Variants in DDA1 observed in about 807,000 individuals in gnomAD.
The protein encoded by DDA1 is DET1- and DDB1-associated protein 1.
Under a neutral mutation model 18.6 loss-of-function variants are expected in DDA1, and 3 were observed. That is an observed-to-expected ratio of 0.16 (90% CI 0.07 to 0.42). The LOEUF (loss-of-function observed/expected upper bound fraction) is 0.42. DDA1 is among the 10% of genes least tolerant of loss of function. The probability of loss-of-function intolerance (pLI) is 0.99; values close to 1 mark genes in which losing one functional copy is unlikely to be tolerated. For missense variants in DDA1, 105 were observed against 138.2 expected (o/e 0.76, Z 1.20); for synonymous variants, 52 against 54.0 (o/e 0.96, Z 0.17).
intron 4 of DDA1, among the ~76,000 whole-genome samples, chr19:17,316,951 G>A (rs971415682): frequency 6.6e-6 from 1 of 152,154 alleles, no homozygotes; most frequent in Admixed American, 6.5e-5. Context: ...TCTCAGCTGG[G>A]CGTGGTGGCT....
At chr19:17,318,506 C>T (rs2074224450) in intron 4 of DDA1, among the ~76,000 whole-genome samples, 1 of 152,164 alleles carries the variant, frequency 6.6e-6, no homozygotes, top group Non-Finnish European at 1.5e-5. Context: ...GCTGGGATTA[C>T]AGGTGTGAGC....
rs573758701 is a variant in DDA1 at position 17,314,341 on chromosome 19, C to G, written c.88C>G (p.Arg30Gly). Reference protein sequence around the residue: ...HADSVCKASNRRPSVYLPTRE... With the variant: ...HADSVCKASNGRPSVYLPTRE... ...CCCCTTCTCAACCCTCCTGCAGAACCGACGGCCCTCAGTCTACCTGCCTAC... is the reference window on the plus strand; with the variant it reads ...CCCCTTCTCAACCCTCCTGCAGAACGGACGGCCCTCAGTCTACCTGCCTAC... The change falls in exon 3 of 5, where the codon CGA becomes GGA. Residue 30 changes from arginine to glycine, a missense_variant. Transcript: ENST00000359866. The surrounding 1 kb of genome is among the most constrained non-coding windows in gnomAD (Gnocchi z 4.6). 1.2e-6 allele frequency: 2 copies of G among 1,614,232 alleles called. No homozygotes were observed. Among genetic ancestry groups the G allele is most frequent in the African/African-American group, 2.7e-5 (2 of 75,072 alleles).
chr19:17,319,658 A>G lies in DDA1; in HGVS notation c.*2A>G. On this transcript the variant is annotated 3_prime_UTR_variant, in exon 5 of 5. Coordinates refer to ENST00000359866, the MANE Select transcript of DDA1 (RefSeq NM_024050.6). ...CCAGACATGCACGAGGACACTTAAGACTCTCAACTCCACAGGCGCCTCCTG... is the reference window on the plus strand; with the variant it reads ...CCAGACATGCACGAGGACACTTAAGGCTCTCAACTCCACAGGCGCCTCCTG... 6.4e-7 allele frequency: 1 copy of G among 1,560,746 alleles called. No homozygotes were observed. Among genetic ancestry groups the G allele is most frequent in the Non-Finnish European group, 8.7e-7 (1 of 1,152,458 alleles).
At chr19:17,312,080 G>A (rs1420536648) in intron 1 of DDA1, among the ~76,000 whole-genome samples, 1 of 152,196 alleles carries the variant, frequency 6.6e-6, no homozygotes, top group African/African-American at 2.4e-5. Context: ...GAGTAACCCT[G>A]GGAGGTGGCC....
chr19:17,310,366 A>C (rs1484566294), intron 1 of DDA1: 1 of 152,302 alleles, frequency 6.6e-6, no homozygotes, highest in African/African-American at 2.4e-5. Flanking sequence ...TCCCCTCATT[A>C]TGAAGTGTGG....
chr19:17,316,429 A>C (rs947464805), intron 4 of DDA1, among the ~76,000 whole-genome samples: 1 of 151,734 alleles, frequency 6.6e-6, no homozygotes, highest in African/African-American at 2.4e-5. Flanking sequence ...AAAATACAAA[A>C]ATTAGCTGGG....
At chr19:17,312,955 G>A (rs564070838) in intron 1 of DDA1, among the ~76,000 whole-genome samples, 5 of 152,256 alleles carry the variant, frequency 3.3e-5, no homozygotes, top group Admixed American at 1.3e-4. Context: ...GCCACATTCC[G>A]GCTTCCCGAG....
chr19:17,310,038 G>C (rs371813922), intron 1 of DDA1: 1 of 248,958 alleles, frequency 4.0e-6, no homozygotes, highest in African/African-American at 2.2e-5. Context: ...AGGCCGGCCT[G>C]GGCCCCGGGG....
rs13238 is a variant in DDA1 at position 17,320,037 on chromosome 19, C to T, written c.*381C>T. On this transcript the variant is annotated 3_prime_UTR_variant, in exon 5 of 5. Transcript: ENST00000359866. ...TAGCGGGGGCTTTACTGTGGCCGGG[C>T]GACAGGGGCGGGCCCGGGGTGGCCT... is the stretch of plus-strand genomic sequence containing the variant. 0.086 allele frequency: 15,864 copies of T among 183,714 alleles called. 812 individuals are homozygous for T. The highest frequency in any genetic ancestry group is 0.11 in the Non-Finnish European group (9,787 of 87,062). The allele number at this position is 183,714 out of a possible 1,614,324, so 11.4% of individuals were successfully genotyped here.
intron 1 of DDA1, among the ~76,000 whole-genome samples, chr19:17,313,258 C>T (rs1415421522): frequency 4.6e-5 from 7 of 151,854 alleles, no homozygotes; most frequent in African/African-American, 9.7e-5. Context: ...CTCTCTGCCT[C>T]GGTGTCCTTG....
chr19:17,312,001 A>G (rs1005333684), intron 1 of DDA1, among the ~76,000 whole-genome samples: 3 of 152,162 alleles, frequency 2.0e-5, no homozygotes, highest in Non-Finnish European at 4.4e-5. Flanking sequence ...CAACGCAGAC[A>G]TGTTGATCCT....
At position 17,315,166 on chromosome 19, in the gene DDA1, T is replaced by TATATACACACACGTGTATACACACAC. The variant is rs2074198603; in HGVS notation, c.137-768_137-767insATATACACACACGTGTATACACACAC. ...ATACACACACGTATATATACACACG[T>TATATACACACACGTGTATACACACAC]GTATATACACACACGTGTATACACA... On this transcript the variant is annotated intron_variant, in intron 3 of 4. Coordinates refer to ENST00000359866, the MANE Select transcript of DDA1 (RefSeq NM_024050.6). Among the ~76,000 whole-genome samples, 4 of 63,460 alleles carry TATATACACACACGTGTATACACACAC rather than the reference T, an allele frequency of 6.3e-5. 1 individual carries two copies. The highest frequency in any genetic ancestry group is 4.4e-4 in the African/African-American group (4 of 9,152). 41.6% of individuals were successfully genotyped at this position (63,460 alleles called of 152,430 possible). A position where few individuals can be genotyped will look rare whatever the true frequency, so the allele number is the denominator to read the frequency against.
intron 4 of DDA1, among the ~76,000 whole-genome samples, chr19:17,319,254 G>A (rs1051947119): frequency 6.6e-6 from 1 of 152,208 alleles, no homozygotes; most frequent in African/African-American, 2.4e-5. Context: ...TGCCTAGCCA[G>A]GGACCCTGGG....
rs945622318 is a variant in DDA1, at chr19:17,319,855, G to A, written c.*199G>A. On this transcript the variant is annotated 3_prime_UTR_variant, in exon 5 of 5. Coordinates refer to ENST00000359866, the MANE Select transcript of DDA1 (RefSeq NM_024050.6). ...ATTTATGCTGTAACCTGTATCAAGC[G>A]TTGGTTAAAGGGGACATCAGACCCA... The A allele has an allele frequency of 2.1e-5, 12 of 561,542 alleles. No individual in the cohort carries two copies. The highest frequency in any genetic ancestry group is 6.5e-5 in the South Asian group (3 of 45,838). 34.8% of individuals were successfully genotyped at this position (561,542 alleles called of 1,614,324 possible). A position where few individuals can be genotyped will look rare whatever the true frequency, so the allele number is the denominator to read the frequency against.
chr19:17,319,397 C>T, intron 4 of DDA1, 149 bp from the exon 5 acceptor site: 2 of 653,972 alleles, frequency 3.1e-6, no homozygotes, highest in South Asian at 3.9e-5. Flanking sequence ...ACCCCCATGT[C>T]TACCAAAAGT....
At chr19:17,310,336 G>C (rs964658294) in intron 1 of DDA1, 1 of 152,286 alleles carries the variant, frequency 6.6e-6, no homozygotes, top group African/African-American at 2.4e-5. Flanking sequence ...CTCGAGGCCA[G>C]TGACGTTCTC....
At chr19:17,309,970 G>T (rs1454232096) in intron 1 of DDA1, among the ~76,000 whole-genome samples, 1 of 152,144 alleles carries the variant, frequency 6.6e-6, no homozygotes, top group East Asian at 1.9e-4. Flanking sequence ...AGACCCCCTG[G>T]TCTGGCCTCG....
chr19:17,315,246 TAC>T (rs1178374144), intron 3 of DDA1, among the ~76,000 whole-genome samples: 5 of 75,510 alleles, frequency 6.6e-5, no homozygotes, highest in South Asian at 3.5e-4. Context: ...CACGTGTATA[TAC>T]ACACACGTGT....
At position 17,315,262 on chromosome 19, in the gene DDA1, T is replaced by C. The variant is rs202021084; in HGVS notation, c.137-672T>C. On this transcript the variant is annotated intron_variant, in intron 3 of 4. Transcript: ENST00000359866. The stretch of plus-strand genomic sequence containing the variant: ...ACGTGTATATACACACACGTGTATA[T>C]ACACACACGTGTATATACACACACT... Among the ~76,000 whole-genome samples, 155 of 76,194 alleles carry C rather than the reference T, an allele frequency of 2.0e-3. 42 individuals are homozygous for C. The highest frequency in any genetic ancestry group is 6.3e-3 in the East Asian group (25 of 4,000). 50.0% of individuals were successfully genotyped at this position (76,194 alleles called of 152,430 possible). A position where few individuals can be genotyped will look rare whatever the true frequency, so the allele number is the denominator to read the frequency against.
Sources: allele counts gnomAD v4.1 joint callset (sites outside exome capture counted in the v4.1 genomes callset), GRCh38; gene constraint gnomAD v4.1.1; non-coding constraint Gnocchi (gnomAD v3.1); transcripts MANE v1.5; gene names NCBI Gene and HGNC (gene_info 2026-07-23, HGNC 2026-07-21).